AGMO: variants seen among roughly 807,000 people sequenced by gnomAD.
AGMO encodes glyceryl-ether monooxygenase.
A neutral mutation model predicts 60.2 loss-of-function variants in AGMO; 75 were observed. That is an observed-to-expected ratio of 1.25 (90% confidence interval 1.03 to 1.51). The LOEUF (loss-of-function observed/expected upper bound fraction) is 1.51, where lower values mean the gene tolerates loss of function less well. Among genes scored for constraint, AGMO ranks in the 40% most tolerant of loss-of-function variants. The probability of loss-of-function intolerance (pLI) is 0.00; values close to 1 mark genes in which losing one functional copy is unlikely to be tolerated. For synonymous variants in AGMO, 261 were observed against 177.1 expected, an observed-to-expected ratio of 1.47 and a Z score of -3.76; for missense variants, 763 against 525.5, an observed-to-expected ratio of 1.45 and a Z score of -4.42.
chr7:15,193,148 T>C, the AGMO span, among the ~76,000 whole-genome samples: 16 of 152,288 alleles, frequency 1.1e-4, no homozygotes, highest in African/African-American at 3.6e-4. Flanking sequence ...ACACTTGCAA[T>C]TGACTTTTCT....
chr7:15,394,012 G>A (rs1784261187), intron 6 of AGMO, 101 bp downstream of exon 6: 3 of 698,116 alleles, frequency 4.3e-6, no homozygotes, highest in Non-Finnish European at 7.0e-6. Context: ...TAAAATGTGT[G>A]CTGACTATAT....
chr7:15,163,477 T>C, the AGMO span, among the ~76,000 whole-genome samples: 1 of 152,136 alleles, frequency 6.6e-6, no homozygotes, highest in South Asian at 2.1e-4. Context: ...TGGCTTTTAT[T>C]ATTTTGAGGT....
intron 12 of AGMO, among the ~76,000 whole-genome samples, chr7:15,326,278 C>G (rs1781337442): frequency 1.3e-5 from 2 of 152,112 alleles, no homozygotes; most frequent in Non-Finnish European, 2.9e-5. Context: ...TTACATTTGG[C>G]TGTATTTGAT....
chr7:15,330,393 C>G (rs1781463387), intron 12 of AGMO, among the ~76,000 whole-genome samples: 1 of 152,114 alleles, frequency 6.6e-6, no homozygotes. Flanking sequence ...TTAACTTTAT[C>G]CTTCACTGAA....
rs1782394200 is a variant in AGMO, at chr7:15,354,384, GTGTGTGTAT to G, written c.1263+11121_1263+11129del. On this transcript the variant is annotated intron_variant, in intron 12 of 12. Coordinates refer to ENST00000342526, the MANE Select transcript of AGMO (RefSeq NM_001004320.2). The stretch of plus-strand genomic sequence containing the variant: ...TGTGTATATAGACGTGTGTATACAC[GTGTGTGTAT>G]ACACGTGTGTGTACACACGTGTGTG... Among the ~76,000 whole-genome samples the G allele has an allele frequency of 2.4e-3, 12 of 4,970 alleles. 1 individual carries two copies. The highest frequency in any genetic ancestry group is 6.7e-3 in the African/African-American group (11 of 1,638). 3.3% of individuals were successfully genotyped at this position (4,970 alleles called of 152,430 possible).
chr7:15,215,904 A>C (rs559576994), intron 12 of AGMO, among the ~76,000 whole-genome samples: 1 of 152,236 alleles, frequency 6.6e-6, no homozygotes, highest in African/African-American at 2.4e-5. Flanking sequence ...TTGAGCACTG[A>C]CGTATTACAT....
At chr7:15,289,100 T>A (rs986532823) in intron 12 of AGMO, among the ~76,000 whole-genome samples, 5 of 151,956 alleles carry the variant, frequency 3.3e-5, no homozygotes. Context: ...GCAGAGCTAT[T>A]TCTTTCTTCT....
At chr7:15,313,950 A>G (rs891301105) in intron 12 of AGMO, among the ~76,000 whole-genome samples, 1 of 151,846 alleles carries the variant, frequency 6.6e-6, no homozygotes, top group Non-Finnish European at 1.5e-5. Context: ...GAAAATGCCT[A>G]CTTGATGGAT....
At chr7:15,536,496 C>T (rs1006398881) in intron 3 of AGMO, among the ~76,000 whole-genome samples, 6 of 151,810 alleles carry the variant, frequency 4.0e-5, no homozygotes, top group African/African-American at 1.2e-4. Context: ...GAATTAATGG[C>T]AATGAGAGGA....
At chr7:15,254,421 T>C (rs565850324) in intron 12 of AGMO, among the ~76,000 whole-genome samples, 2 of 152,298 alleles carry the variant, frequency 1.3e-5, no homozygotes, top group South Asian at 2.1e-4. Context: ...TATTTGATAA[T>C]AGCCCTTCTA....
Position 15,531,395 on chromosome 7 carries a change from A to C in AGMO, c.409+13377T>G, listed in dbSNP as rs868015028. Among the ~76,000 whole-genome samples, 83 of 67,334 alleles carry C rather than the reference A, an allele frequency of 1.2e-3. 1 individual carries two copies. The highest frequency in any genetic ancestry group is 5.4e-3 in the African/African-American group (69 of 12,662). The allele number at this position is 67,334 out of a possible 152,430, so 44.2% of individuals were successfully genotyped here. A position where few individuals can be genotyped will look rare whatever the true frequency, so the allele number is the denominator to read the frequency against. ...TCTATATATATTCTATATATATTCT[A>C]TATATATATTCTATATATATTCTAT... On this transcript the variant is annotated intron_variant, in intron 3 of 12. Transcript: ENST00000342526.
rs530789391 is a variant in AGMO, at chr7:15,506,240, T to C, written c.409+38532A>G. Among the ~76,000 whole-genome samples the C allele has an allele frequency of 2.0e-5, 3 of 151,680 alleles. No individual in the cohort carries two copies. The South Asian group carries it at 6.2e-4, about 32-fold the overall frequency. The stretch of plus-strand genomic sequence containing the variant: ...TTTACTCTGTGCCAGAAACTGAATG[T>C]AAATGATATGCATTATCTACCTTTC... On this transcript the variant is annotated intron_variant, in intron 3 of 12. Coordinates refer to ENST00000342526, the MANE Select transcript of AGMO (RefSeq NM_001004320.2).
chr7:15,227,910 C>A (rs1782138642), intron 12 of AGMO, among the ~76,000 whole-genome samples: 1 of 152,016 alleles, frequency 6.6e-6, no homozygotes, highest in Non-Finnish European at 1.5e-5. Flanking sequence ...TTTCTTTCCT[C>A]AAAAGCTTGG....
intron 10 of AGMO, among the ~76,000 whole-genome samples, chr7:15,382,059 T>C (rs559644554): frequency 3.3e-5 from 5 of 152,048 alleles, no homozygotes; most frequent in African/African-American, 1.2e-4. Context: ...GATTTTACTA[T>C]TGGGTACTAG....
chr7:15,479,826 T>C (rs1047101241), intron 3 of AGMO, among the ~76,000 whole-genome samples: 2 of 151,990 alleles, frequency 1.3e-5, no homozygotes, highest in African/African-American at 2.4e-5. Flanking sequence ...AATAGATAGT[T>C]GCAAAAAGAT....
intron 12 of AGMO, among the ~76,000 whole-genome samples, chr7:15,319,674 C>T (rs1464457551): frequency 1.3e-5 from 2 of 151,976 alleles, no homozygotes; most frequent in African/African-American, 2.4e-5. Context: ...ATCCATTACA[C>T]AATCAAAGAT....
the AGMO span, among the ~76,000 whole-genome samples, chr7:15,131,130 G>C: frequency 6.6e-6 from 1 of 151,962 alleles, no homozygotes; most frequent in African/African-American, 2.4e-5. Flanking sequence ...AGAAGGAGGC[G>C]TTCTTTTCAT....
chr7:15,396,707 C>T (rs1026242978), intron 5 of AGMO: 2 of 151,590 alleles, frequency 1.3e-5, no homozygotes, highest in Non-Finnish European at 2.9e-5. Context: ...GTCCACTTTA[C>T]AGAGAGCTGA....
downstream of AGMO, among the ~76,000 whole-genome samples, chr7:15,195,936 A>G (rs1380424288): frequency 6.6e-6 from 1 of 151,208 alleles, no homozygotes; most frequent in Non-Finnish European, 1.5e-5. Flanking sequence ...TCCCCACTCT[A>G]CCTCCATTCA....
Sources: allele counts gnomAD v4.1 joint callset (sites outside exome capture counted in the v4.1 genomes callset), GRCh38; gene constraint gnomAD v4.1.1; transcripts MANE v1.5; gene names NCBI Gene and HGNC (gene_info 2026-07-23, HGNC 2026-07-21).